PSD2: variants seen among roughly 807,000 people sequenced by gnomAD.
PSD2 encodes PH and SEC7 domain-containing protein 2.
Under a neutral mutation model 69.8 loss-of-function variants are expected in PSD2, and 38 were observed. The observed-to-expected ratio is 0.54, with a 90% confidence interval of 0.42 to 0.71. The LOEUF (loss-of-function observed/expected upper bound fraction) is 0.71. Ranked by LOEUF, PSD2 falls within the 30% of genes least tolerant of loss-of-function variation. The pLI, the probability that PSD2 is intolerant of heterozygous loss-of-function variation, is 0.00. For synonymous variants in PSD2, 412 were observed against 423.0 expected, an observed-to-expected ratio of 0.97 and a Z score of 0.32; for missense variants, 943 against 1,014.5, an observed-to-expected ratio of 0.93 and a Z score of 0.96.
chr5:139,766,839 C>CTTTCTT, the PSD2 span, among the ~76,000 whole-genome samples: 2 of 139,206 alleles, frequency 1.4e-5, no homozygotes, highest in African/African-American at 5.3e-5. Context: ...TTCTTTCTTT[C>CTTTCTT]TTTCTTTCTT....
At chr5:139,783,531 TA>T in the PSD2 span, among the ~76,000 whole-genome samples, 1 of 152,242 alleles carries the variant, frequency 6.6e-6, no homozygotes, top group African/African-American at 2.4e-5. Flanking sequence ...CACATATTGT[TA>T]ATCCATTCAC....
chr5:139,776,634 G>A, the PSD2 span, among the ~76,000 whole-genome samples: 2 of 151,068 alleles, frequency 1.3e-5, no homozygotes, highest in Non-Finnish European at 2.9e-5. Context: ...TGGTCGCAGA[G>A]CTCCCTTGAC....
At chr5:139,767,325 A>AT in the PSD2 span, among the ~76,000 whole-genome samples, 1 of 145,250 alleles carries the variant, frequency 6.9e-6, no homozygotes, top group Non-Finnish European at 1.5e-5. Context: ...TTTTATTTTT[A>AT]TTTTTTAAAG....
chr5:139,748,613 C>T, the PSD2 span, among the ~76,000 whole-genome samples: 2 of 152,240 alleles, frequency 1.3e-5, no homozygotes, highest in Non-Finnish European at 2.9e-5. Flanking sequence ...CCCGAGCTTG[C>T]TGCCATGTCC....
the PSD2 span, among the ~76,000 whole-genome samples, chr5:139,768,194 G>A: frequency 6.6e-6 from 1 of 152,270 alleles, no homozygotes; most frequent in Non-Finnish European, 1.5e-5. Context: ...AGGAAGGAAG[G>A]AAGTGGGGAG....
chr5:139,829,841 G>A (rs1240827900), intron 7 of PSD2, among the ~76,000 whole-genome samples: 2 of 152,082 alleles, frequency 1.3e-5, no homozygotes, highest in East Asian at 1.9e-4. Context: ...TATTTTGGGG[G>A]TATATACCTA....
intron 7 of PSD2, among the ~76,000 whole-genome samples, chr5:139,830,592 T>TTCTTTCTCTTTC (rs779474791): frequency 3.5e-5 from 3 of 86,038 alleles, no homozygotes; most frequent in African/African-American, 1.6e-4. Context: ...CTTTCTTTCT[T>TTCTTTCTCTTTC]TTTCTTTCTT....
the PSD2 span, among the ~76,000 whole-genome samples, chr5:139,766,260 A>G: frequency 6.6e-6 from 1 of 152,226 alleles, no homozygotes; most frequent in Non-Finnish European, 1.5e-5. Context: ...GATTGGTGGC[A>G]GTAGGGTGAG....
the PSD2 span, among the ~76,000 whole-genome samples, chr5:139,753,294 G>T: frequency 1.3e-5 from 2 of 152,148 alleles, no homozygotes; most frequent in African/African-American, 4.8e-5. Context: ...CAGGGTATAG[G>T]AAAGCCTCCA....
At chr5:139,747,233 T>G in the PSD2 span, among the ~76,000 whole-genome samples, 2 of 152,086 alleles carry the variant, frequency 1.3e-5, no homozygotes, top group African/African-American at 4.8e-5. This position sits in a 1 kb window ranked among gnomAD's most constrained non-coding sequence, Gnocchi z 6.7. Context: ...GACTCTCTCT[T>G]GTCTCCCCCC....
the PSD2 span, among the ~76,000 whole-genome samples, chr5:139,749,191 A>G: frequency 6.6e-6 from 1 of 152,102 alleles, no homozygotes; most frequent in Non-Finnish European, 1.5e-5. Flanking sequence ...CCCCCCTAGC[A>G]TGCCCTCTAC....
At chr5:139,792,580 G>T (rs1429591127), upstream of PSD2, among the ~76,000 whole-genome samples, 1 of 152,020 alleles carries the variant, frequency 6.6e-6, no homozygotes, top group Admixed American at 6.5e-5. Flanking sequence ...CGGGGTGGGG[G>T]AGGAAAGGGA....
Position 139,837,349 on chromosome 5 carries a change from C to G in PSD2, c.1665+111C>G. ...GCAGGACCTGGGGCTCAGGCACATG[C>G]TGGGTCCTTCCCCAGACTTGGGCCC... On this transcript the variant is annotated intron_variant, in intron 11 of 14. Coordinates refer to ENST00000274710, the MANE Select transcript of PSD2 (RefSeq NM_032289.4). This position sits in a 1 kb window ranked among gnomAD's most constrained non-coding sequence, Gnocchi z 5.0. 1 of 1,093,474 alleles carries G rather than the reference C, an allele frequency of 9.1e-7. No individual in the cohort carries two copies. Among genetic ancestry groups the G allele is most frequent in the Non-Finnish European group, 1.3e-6 (1 of 744,452 alleles). 67.7% of individuals were successfully genotyped at this position (1,093,474 alleles called of 1,614,324 possible).
At chr5:139,787,129 C>G in the PSD2 span, among the ~76,000 whole-genome samples, 1 of 152,114 alleles carries the variant, frequency 6.6e-6, no homozygotes, top group Admixed American at 6.5e-5. Context: ...ATGGAGGGCA[C>G]TCACTTAGCA....
chr5:139,803,112 G>A (rs1011647750), intron 1 of PSD2, among the ~76,000 whole-genome samples: 5 of 152,266 alleles, frequency 3.3e-5, no homozygotes. Context: ...TGTGTGCCCT[G>A]AGATGGAAAG....
the PSD2 span, among the ~76,000 whole-genome samples, chr5:139,782,597 A>G: frequency 1.3e-5 from 2 of 151,228 alleles, no homozygotes; most frequent in Non-Finnish European, 2.9e-5. Context: ...GGTTCAAGCA[A>G]TTCTCCTGCC....
intron 7 of PSD2, among the ~76,000 whole-genome samples, chr5:139,827,365 G>A (rs1307138975): frequency 2.0e-5 from 3 of 152,212 alleles, no homozygotes; most frequent in Non-Finnish European, 2.9e-5. Context: ...AATTAGCACA[G>A]CTGTGTGTCC....
chr5:139,749,361 T>C, the PSD2 span, among the ~76,000 whole-genome samples: 30 of 152,254 alleles, frequency 2.0e-4, no homozygotes, highest in Admixed American at 1.6e-3. Context: ...TGTGTTGTCC[T>C]GATCTTCTCA....
At chr5:139,811,885 G>A (rs912682658) in intron 2 of PSD2, among the ~76,000 whole-genome samples, 2 of 152,038 alleles carry the variant, frequency 1.3e-5, no homozygotes, top group Non-Finnish European at 2.9e-5. Flanking sequence ...GAGCCACCGC[G>A]CCTGGCCGTC....
Sources: allele counts gnomAD v4.1 joint callset (sites outside exome capture counted in the v4.1 genomes callset), GRCh38; gene constraint gnomAD v4.1.1; non-coding constraint Gnocchi (gnomAD v3.1); transcripts MANE v1.5; gene names NCBI Gene and HGNC (gene_info 2026-07-23, HGNC 2026-07-21).